Variants in POR observed in about 807,000 individuals in gnomAD.
The protein encoded by POR is cytochrome p450 oxidoreductase.
In POR, 56 loss-of-function variants were observed where a neutral mutation model predicts 84.0. The ratio of observed to expected loss-of-function variants is 0.67; its 90% CI spans 0.54 to 0.83. POR has a LOEUF of 0.83. POR is among the 40% of genes least tolerant of loss of function. POR has a pLI of 0.00. For missense variants in POR, 938 were observed against 944.3 expected (o/e 0.99, Z 0.09); for synonymous variants, 414 against 400.5 (o/e 1.03, Z -0.40).
intron 1 of POR, among the ~76,000 whole-genome samples, chr7:75,942,020 A>G (rs1786943136): frequency 6.6e-6 from 1 of 151,834 alleles, no homozygotes; most frequent in African/African-American, 2.4e-5. Context: ...GGAGTTTGAG[A>G]CCAGCCTGGG....
chr7:75,983,952 GC>G, intron 10 of POR, 96 bp downstream of exon 10: 3 of 977,890 alleles, frequency 3.1e-6, no homozygotes, highest in Non-Finnish European at 4.4e-6. Flanking sequence ...TAGGCCTGAA[GC>G]CCCGGTGCCT....
intron 3 of POR, chr7:75,972,717 A>G: frequency 1.8e-6 from 1 of 558,116 alleles, no homozygotes; most frequent in Non-Finnish European, 3.2e-6. Context: ...CCCTCCCTCT[A>G]ACTCACGAAG....
chr7:75,918,384 G>A (rs561943402), intron 1 of POR, among the ~76,000 whole-genome samples: 2 of 152,220 alleles, frequency 1.3e-5, no homozygotes, highest in East Asian at 1.9e-4. Flanking sequence ...ATTTGGACCC[G>A]CCGGGCAGGT....
chr7:75,971,649 A>G (rs1788447350), intron 2 of POR, among the ~76,000 whole-genome samples: 1 of 152,124 alleles, frequency 6.6e-6, no homozygotes, highest in Admixed American at 6.6e-5. Flanking sequence ...CCAGGAACGC[A>G]GAGAAGGGAA....
chr7:75,966,200 G>A (rs1788174381), intron 2 of POR, among the ~76,000 whole-genome samples: 1 of 152,144 alleles, frequency 6.6e-6, no homozygotes, highest in South Asian at 2.1e-4. Flanking sequence ...CGCCTGTTTT[G>A]TCTCTGACCT....
chr7:75,924,303 T>C (rs572094583), intron 1 of POR, among the ~76,000 whole-genome samples: 53 of 152,324 alleles, frequency 3.5e-4, no homozygotes, highest in African/African-American at 1.2e-3. Flanking sequence ...AGTAATCATT[T>C]TATAATTGAA....
intron 1 of POR, among the ~76,000 whole-genome samples, chr7:75,942,776 G>C (rs549810521): frequency 6.6e-6 from 1 of 151,824 alleles, no homozygotes; most frequent in Non-Finnish European, 1.5e-5. Flanking sequence ...TTCATACAAT[G>C]TTAATTTCAT....
intron 2 of POR, among the ~76,000 whole-genome samples, chr7:75,966,338 C>T (rs1788181937): frequency 6.6e-6 from 1 of 152,178 alleles, no homozygotes; most frequent in South Asian, 2.1e-4. Flanking sequence ...TGAGCTCCAG[C>T]AAACCACTTT....
At chr7:75,954,864 C>T (rs562087826) in intron 2 of POR, among the ~76,000 whole-genome samples, 24 of 152,178 alleles carry the variant, frequency 1.6e-4, no homozygotes, top group Middle Eastern at 6.8e-3. Context: ...CCCGCCACCA[C>T]GCCTGGCTAT....
At chr7:75,920,308 G>T (rs1158924783) in intron 1 of POR, among the ~76,000 whole-genome samples, 1 of 151,862 alleles carries the variant, frequency 6.6e-6, no homozygotes, top group Non-Finnish European at 1.5e-5. Context: ...GACCTCAAGT[G>T]ATCCACCCGC....
chr7:75,931,459 C>G (rs1807416327), intron 1 of POR, among the ~76,000 whole-genome samples: 3 of 152,012 alleles, frequency 2.0e-5, no homozygotes, highest in Admixed American at 2.0e-4. Flanking sequence ...CTCCACCTCC[C>G]AGGTTCAAGC....
At chr7:75,931,921 T>A (rs771732204) in intron 1 of POR, among the ~76,000 whole-genome samples, 6 of 152,174 alleles carry the variant, frequency 3.9e-5, no homozygotes, top group Non-Finnish European at 7.3e-5. Flanking sequence ...GGGGCACAGG[T>A]GTCATGGCCT....
At chr7:75,977,368 A>G (rs1788742819) in intron 3 of POR, among the ~76,000 whole-genome samples, 1 of 152,214 alleles carries the variant, frequency 6.6e-6, no homozygotes, top group Non-Finnish European at 1.5e-5. Context: ...TTCAGGACAC[A>G]CCACGTGTAG....
At chr7:75,922,955 G>C in intron 1 of POR, 1 of 679,986 alleles carries the variant, frequency 1.5e-6, no homozygotes, top group South Asian at 1.6e-5. Context: ...GACAAGGTGT[G>C]TCTCAGACGA....
chr7:75,984,448 C>A (rs1554558678), intron 10 of POR, among the ~76,000 whole-genome samples: 2 of 152,198 alleles, frequency 1.3e-5, no homozygotes, highest in Non-Finnish European at 2.9e-5. Context: ...CTGTCGGCTT[C>A]CACAGCCCGC....
At chr7:75,939,111 G>A (rs1400140622) in intron 1 of POR, among the ~76,000 whole-genome samples, 1 of 152,266 alleles carries the variant, frequency 6.6e-6, no homozygotes, top group Non-Finnish European at 1.5e-5. Context: ...CTTGGGGCAA[G>A]GTTGGCATGT....
rs782104882 is a variant in POR, at chr7:75,985,673, G to A, written c.1493G>A (p.Arg498Gln). The A allele has an allele frequency of 1.4e-5, 23 of 1,594,016 alleles. 1 individual carries two copies. In the South Asian group the frequency reaches 1.6e-4, roughly 11 times the overall value. The change falls in exon 13 of 16, where the codon CGG (arginine) becomes CAG (glutamine). Residue 498 changes from arginine (R) to glutamine (Q), a missense_variant. Physicochemically the swap from Arg to Gln is conservative, Grantham distance 43. Coordinates refer to ENST00000461988, the MANE Select transcript of POR (RefSeq NM_000941.3). ...AAGGGCGTGGCCACCAACTGGCTGC[G>A]GGCCAAGGAGCCTGCCGGGGAGAAC...
intron 1 of POR, among the ~76,000 whole-genome samples, chr7:75,916,127 C>T (rs1554548035): frequency 6.6e-6 from 1 of 152,150 alleles, no homozygotes. Context: ...AAGATACCTC[C>T]TGGAGCCTCC....
chr7:75,979,568 G>A lies in POR; in HGVS notation c.355G>A (p.Glu119Lys), dbSNP rs1554557323. ...GCGAGGCATGTCAGCGGACCCTGAG[G>A]AGTATGACCTGGTAAGCTGCCACCG... The change falls in exon 4 of 16, where the codon GAG becomes AAG. Residue 119 changes from glutamate (E) to lysine (K), a missense_variant. By Grantham distance (56) the Glu-to-Lys change is moderately conservative. Coordinates refer to ENST00000461988, the MANE Select transcript of POR (RefSeq NM_000941.3). The A allele has an allele frequency of 6.2e-7, 1 of 1,613,416 alleles. No homozygotes were observed.
Sources: allele counts gnomAD v4.1 joint callset (sites outside exome capture counted in the v4.1 genomes callset), GRCh38; gene constraint gnomAD v4.1.1; transcripts MANE v1.5; gene names NCBI Gene and HGNC (gene_info 2026-07-23, HGNC 2026-07-21).